Variants in ITPR3 observed in about 807,000 individuals in gnomAD.
ITPR3 encodes inositol 1,4,5-trisphosphate receptor type 3, also known as inositol 1,4,5-trisphosphate-gated calcium channel ITPR3.
In ITPR3, 173 loss-of-function variants were observed where a neutral mutation model predicts 293.2. The ratio of observed to expected loss-of-function variants is 0.59; its 90% CI spans 0.52 to 0.67. ITPR3 has a LOEUF of 0.67. Among genes scored for constraint, ITPR3 ranks in the 30% least tolerant of loss-of-function variants. ITPR3 has a pLI of 0.00. For missense variants in ITPR3, 2,796 were observed against 3,592.1 expected (o/e 0.78, Z 5.66); for synonymous variants, 1,295 against 1,444.4 (o/e 0.90, Z 2.35).
chr6:33,650,999 G>A (rs752465577), intron 2 of ITPR3, among the ~76,000 whole-genome samples: 5 of 152,066 alleles, frequency 3.3e-5, no homozygotes, highest in Admixed American at 6.6e-5. Context: ...TTGAGTTGCC[G>A]GGCGGGGTGG....
intron 7 of ITPR3, among the ~76,000 whole-genome samples, chr6:33,660,998 T>C (rs1764449332): frequency 6.6e-6 from 1 of 152,088 alleles, no homozygotes; most frequent in Non-Finnish European, 1.5e-5. Flanking sequence ...CCTCACTCTG[T>C]GGTCTACATA....
rs372169367 is a variant in ITPR3 at position 33,657,783 on chromosome 6, A to C, written c.283-149A>C. The C allele has an allele frequency of 2.6e-3, 1,603 of 621,278 alleles. 13 individuals are homozygous for C. Among genetic ancestry groups the C allele is most frequent in the Middle Eastern group, 0.013 (42 of 3,114 alleles). The allele number at this position is 621,278 out of a possible 1,614,324, so 38.5% of individuals were successfully genotyped here. ...TGGGTGCAGCACCAAGAGCTGGGGC[A>C]GGGGTCCAAGGGGTCCTGGAGTCCA... On this transcript the variant is annotated intron_variant, in intron 3 of 57. Coordinates refer to ENST00000605930, the MANE Select transcript of ITPR3 (RefSeq NM_002224.4).
In ITPR3 at chr6:33,684,776, C is replaced by G; in HGVS notation, c.5140C>G (p.Leu1714Val). 1.2e-6 allele frequency: 2 copies of G among 1,611,430 alleles called. No homozygotes were observed. Among genetic ancestry groups the G allele is most frequent in the Non-Finnish European group, 1.7e-6 (2 of 1,178,296 alleles). ...CCTCAACCGAGTCCCGCCTCCAGGCCTGGACCCAGACTGGTCGGCAATCGC... is the reference window on the plus strand; with the variant it reads ...CCTCAACCGAGTCCCGCCTCCAGGCGTGGACCCAGACTGGTCGGCAATCGC... ...GDLPDPIGTG[L>V]DPDWSAIAAT... The change falls in exon 39 of 58, where the codon CTG becomes GTG. Residue 1714 changes from leucine (L) to valine (V), a missense_variant and splice_region_variant. Leu to Val is a conservative substitution (Grantham distance 32, BLOSUM62 1). Around this residue, in one of 8 missense-constraint regions of ITPR3, gnomAD observed 704 missense variants for 797.5 expected, o/e 0.88. Coordinates refer to ENST00000605930, the MANE Select transcript of ITPR3 (RefSeq NM_002224.4). The surrounding 1 kb of genome is among the most constrained non-coding windows in gnomAD (Gnocchi z 4.2).
At position 33,670,551 on chromosome 6, in the gene ITPR3, A is replaced by G; in HGVS notation, c.2416A>G (p.Ile806Val). The G allele has an allele frequency of 6.2e-7, 1 of 1,611,944 alleles. No individual in the cohort carries two copies. The highest frequency in any genetic ancestry group is 8.5e-7 in the Non-Finnish European group (1 of 1,179,712). ...CAAGTTTGCCCGTCTCTGGACTGAG[A>G]TCCCCACAGCCATCACCATCAAGGA... ...PVKFARLWTE[I>V]PTAITIKDYD... The change falls in exon 19 of 58, where the codon ATC becomes GTC. Residue 806 changes from isoleucine (I) to valine (V), a missense_variant. Ile to Val is a conservative substitution (Grantham distance 29, BLOSUM62 3). Coordinates refer to ENST00000605930, the MANE Select transcript of ITPR3 (RefSeq NM_002224.4). This position sits in a 1 kb window ranked among gnomAD's most constrained non-coding sequence, Gnocchi z 6.7.
At chr6:33,668,468 A>G (rs1315963793) in intron 16 of ITPR3, 47 bp from the exon 17 acceptor site, 1 of 1,612,718 alleles carries the variant, frequency 6.2e-7, no homozygotes, top group Non-Finnish European at 8.5e-7. Flanking sequence ...CCTTAGAGGG[A>G]CCAGCCTCTG....
chr6:33,630,157 T>A (rs534694498), intron 1 of ITPR3, among the ~76,000 whole-genome samples: 5 of 152,290 alleles, frequency 3.3e-5, no homozygotes, highest in African/African-American at 1.2e-4. Flanking sequence ...CTCTTCAGTT[T>A]CCTTTAATCT....
In ITPR3 at chr6:33,675,607, G is replaced by T; in HGVS notation, c.3117-84G>T. On this transcript the variant is annotated intron_variant, in intron 24 of 57. Coordinates refer to ENST00000605930, the MANE Select transcript of ITPR3 (RefSeq NM_002224.4). This position sits in a 1 kb window ranked among gnomAD's most constrained non-coding sequence, Gnocchi z 5.0. ...CTGCTAATTGGGTGGCGGAGAGTGT[G>T]CTTGTGCCAGGGCCCCTTACCCACC... 1 of 1,448,184 alleles carries T rather than the reference G, an allele frequency of 6.9e-7. No homozygotes were observed. The allele number at this position is 1,448,184 out of a possible 1,614,324, so 89.7% of individuals were successfully genotyped here. A position where few individuals can be genotyped will look rare whatever the true frequency, so the allele number is the denominator to read the frequency against.
chr6:33,686,583 G>T, intron 43 of ITPR3, 64 bp downstream of exon 43: 3 of 1,269,072 alleles, frequency 2.4e-6, no homozygotes, highest in South Asian at 1.2e-5. Context: ...ATGTATGTGT[G>T]ACTTGTGTGT....
intron 21 of ITPR3, 50 bp downstream of exon 21, chr6:33,671,356 C>A: frequency 1.4e-6 from 2 of 1,396,776 alleles, no homozygotes; most frequent in Non-Finnish European, 2.0e-6. Context: ...CAGCCTCCTC[C>A]TAGCACAGGA....
At chr6:33,640,671 T>G (rs1040012978) in intron 2 of ITPR3, 117 bp downstream of exon 2, 1 of 797,940 alleles carries the variant, frequency 1.3e-6, no homozygotes. Context: ...GGCGCTGCCC[T>G]GCAGACCTCA....
At chr6:33,636,778 T>C (rs1473467817) in intron 1 of ITPR3, among the ~76,000 whole-genome samples, 1 of 151,878 alleles carries the variant, frequency 6.6e-6, no homozygotes, top group Non-Finnish European at 1.5e-5. Context: ...GAGTTCTCAG[T>C]GAAGGTTTTG....
Position 33,672,411 on chromosome 6 carries a change from G to A in ITPR3, c.2928+183G>A, listed in dbSNP as rs1764793489. On this transcript the variant is annotated intron_variant, in intron 22 of 57. Coordinates refer to ENST00000605930, the MANE Select transcript of ITPR3 (RefSeq NM_002224.4). The surrounding 1 kb of genome is among the most constrained non-coding windows in gnomAD (Gnocchi z 5.0). ...GTGGTTCTTGGGCCAGCCTCACCTG[G>A]GAGCTTGTTAGAAGTGCACATTCTC... is the stretch of plus-strand genomic sequence containing the variant. Among the ~76,000 whole-genome samples the A allele has an allele frequency of 6.6e-6, 1 of 152,038 alleles. No individual in the cohort carries two copies. Among genetic ancestry groups the A allele is most frequent in the African/African-American group, 2.4e-5 (1 of 41,372 alleles).
rs1375145820 is a variant in ITPR3, at chr6:33,666,159, C to T, written c.1551+183C>T. ...TTTGATCCTCACTGCCTGGAGGAGG[C>T]GCCGTGATTCTTACCCCGTTTTACT... On this transcript the variant is annotated intron_variant, in intron 14 of 57. Coordinates refer to ENST00000605930, the MANE Select transcript of ITPR3 (RefSeq NM_002224.4). This position sits in a 1 kb window ranked among gnomAD's most constrained non-coding sequence, Gnocchi z 5.1. Among the ~76,000 whole-genome samples the T allele has an allele frequency of 2.6e-5, 4 of 152,170 alleles. No homozygotes were observed. Among genetic ancestry groups the T allele is most frequent in the African/African-American group, 7.2e-5 (3 of 41,428 alleles).
rs1765391631 is a variant in ITPR3, at chr6:33,691,603, T to C, written c.7226-12T>C. Reference sequence around the variant, plus strand: ...CTGGACCTCCTGATGATCTCATCCATATCCCCTCCAGCCAGCCCCCTGGGG... The same window carrying C: ...CTGGACCTCCTGATGATCTCATCCACATCCCCTCCAGCCAGCCCCCTGGGG... On this transcript the variant is annotated splice_polypyrimidine_tract_variant and intron_variant, in intron 52 of 57. Coordinates refer to ENST00000605930, the MANE Select transcript of ITPR3 (RefSeq NM_002224.4). The surrounding 1 kb of genome is among the most constrained non-coding windows in gnomAD (Gnocchi z 4.9). 1 of 1,611,362 alleles carries C rather than the reference T, an allele frequency of 6.2e-7. No homozygotes were observed. Among genetic ancestry groups the C allele is most frequent in the African/African-American group, 1.3e-5 (1 of 74,956 alleles).
In ITPR3 at chr6:33,638,165, C is replaced by T. The variant is rs1052517582; in HGVS notation, c.90-2319C>T. Among the ~76,000 whole-genome samples the T allele has an allele frequency of 2.0e-5, 3 of 152,032 alleles. No individual in the cohort carries two copies. The highest frequency in any genetic ancestry group is 2.9e-5 in the Non-Finnish European group (2 of 68,010). On this transcript the variant is annotated intron_variant, in intron 1 of 57. Coordinates refer to ENST00000605930, the MANE Select transcript of ITPR3 (RefSeq NM_002224.4). The surrounding 1 kb of genome is among the most constrained non-coding windows in gnomAD (Gnocchi z 4.3). ...GGATTACAGGCGCGCACCGCCACGC[C>T]CAGCTAATTTTTGTATTTTTAGTAG...
At chr6:33,693,021 T>C in intron 55 of ITPR3, 128 bp downstream of exon 55, 1 of 885,766 alleles carries the variant, frequency 1.1e-6, no homozygotes, top group East Asian at 2.6e-5. Context: ...CTTGATGCAT[T>C]TGCTCATCCC....
Position 33,691,574 on chromosome 6 carries a change from G to T in ITPR3, c.7226-41G>T, listed in dbSNP as rs778060043. The T allele has an allele frequency of 2.6e-6, 4 of 1,547,196 alleles. No individual in the cohort carries two copies. In the East Asian group the frequency reaches 9.0e-5, roughly 35 times the overall value. On this transcript the variant is annotated intron_variant, in intron 52 of 57. Coordinates refer to ENST00000605930, the MANE Select transcript of ITPR3 (RefSeq NM_002224.4). The surrounding 1 kb of genome is among the most constrained non-coding windows in gnomAD (Gnocchi z 4.9). ...GGGACAGAGCCAGGGGATAAGGCCA[G>T]GCACTGGACCTCCTGATGATCTCAT...
At chr6:33,634,749 A>C (rs972735621) in intron 1 of ITPR3, among the ~76,000 whole-genome samples, 17 of 152,172 alleles carry the variant, frequency 1.1e-4, no homozygotes, top group African/African-American at 4.1e-4. Context: ...CCTAATGACC[A>C]GGTGGGCTTG....
At position 33,683,543 on chromosome 6, in the gene ITPR3, T is replaced by G. The variant is rs1162908269; in HGVS notation, c.4788+146T>G. On this transcript the variant is annotated intron_variant, in intron 35 of 57. Transcript: ENST00000605930. This position sits in a 1 kb window ranked among gnomAD's most constrained non-coding sequence, Gnocchi z 4.5. Reference sequence around the variant, plus strand: ...AAGGGGCTGGTTGGCTTCTCTACACTCTGGGGCTGCTAAGGGCCGACCCAG... The same window carrying G: ...AAGGGGCTGGTTGGCTTCTCTACACGCTGGGGCTGCTAAGGGCCGACCCAG... 2.7e-6 allele frequency: 2 copies of G among 732,386 alleles called. No individual in the cohort carries two copies. Among genetic ancestry groups the G allele is most frequent in the Non-Finnish European group, 4.2e-6 (2 of 472,062 alleles). 45.4% of individuals were successfully genotyped at this position (732,386 alleles called of 1,614,324 possible).
Sources: gnomAD v4.1 joint callset for allele counts (sites outside exome capture counted in the v4.1 genomes callset) on GRCh38, gnomAD v4.1.1 for gene constraint, gnomAD v4.1.1 regional missense constraint, Gnocchi (gnomAD v3.1) non-coding constraint, MANE v1.5 for transcripts, NCBI Gene and HGNC (gene_info 2026-07-23, HGNC 2026-07-21) for gene names.